Variants in GABBR2 observed in about 807,000 individuals in gnomAD.
GABBR2 encodes the protein gamma-aminobutyric acid type B receptor subunit 2.
GABBR2 carries 23 observed loss-of-function variants against 105.6 expected under a neutral mutation model. The ratio of observed to expected loss-of-function variants is 0.22; its 90% CI spans 0.16 to 0.31. The LOEUF is 0.31. Among genes scored for constraint, GABBR2 ranks in the 10% least tolerant of loss-of-function variants. The probability of loss-of-function intolerance (pLI) is 1.00; values close to 1 mark genes in which losing one functional copy is unlikely to be tolerated. For missense variants in GABBR2, 734 were observed against 1,245.5 expected, an observed-to-expected ratio of 0.59 and a Z score of 6.18; for synonymous variants, 478 against 499.7, an observed-to-expected ratio of 0.96 and a Z score of 0.58.
chr9:98,387,616 C>T (rs962627884), intron 10 of GABBR2, among the ~76,000 whole-genome samples: 10 of 151,854 alleles, frequency 6.6e-5, no homozygotes, highest in African/African-American at 1.5e-4. Flanking sequence ...CAACTGCTAT[C>T]AAAAAAAGCC....
At chr9:98,413,664 G>T (rs1187950886) in intron 7 of GABBR2, among the ~76,000 whole-genome samples, 3 of 152,212 alleles carry the variant, frequency 2.0e-5, no homozygotes, top group Non-Finnish European at 4.4e-5. Flanking sequence ...CCTTCGGCGG[G>T]TGGACAATAA....
chr9:98,412,596 T>C (rs1832610047), intron 7 of GABBR2, among the ~76,000 whole-genome samples: 1 of 152,202 alleles, frequency 6.6e-6, no homozygotes, highest in Non-Finnish European at 1.5e-5. Context: ...GACCTTCTCC[T>C]GGCCTCCTGT....
intron 11 of GABBR2, among the ~76,000 whole-genome samples, chr9:98,384,960 A>G (rs945094301): frequency 2.0e-5 from 3 of 152,220 alleles, no homozygotes; most frequent in Non-Finnish European, 4.4e-5. Flanking sequence ...AGAAAACACC[A>G]CTTAAATAGA....
rs1830264525 is a variant in GABBR2, at chr9:98,289,934, C to T, written c.*650G>A. 6.6e-6 allele frequency: 1 copy of T among 152,454 alleles called. No homozygotes were observed. The highest frequency in any genetic ancestry group is 1.5e-5 in the Non-Finnish European group (1 of 68,096). The allele number at this position is 152,454 out of a possible 1,614,324, so 9.4% of individuals were successfully genotyped here. On this transcript the variant is annotated 3_prime_UTR_variant, in exon 19 of 19. Coordinates refer to ENST00000259455, the MANE Select transcript of GABBR2 (RefSeq NM_005458.8). ...GCATTTACCAGAGTAACAAACATCT[C>T]ATTGGGTGACACAGGTCCCATGTGG...
chr9:98,340,055 C>T (rs1238668736), intron 13 of GABBR2, among the ~76,000 whole-genome samples: 1 of 152,158 alleles, frequency 6.6e-6, no homozygotes, highest in Non-Finnish European at 1.5e-5. Context: ...CTTTGCCGCA[C>T]ACTCTTTCCC....
intron 13 of GABBR2, among the ~76,000 whole-genome samples, chr9:98,357,191 T>C (rs1831499364): frequency 6.6e-6 from 1 of 152,210 alleles, no homozygotes. Flanking sequence ...GGTTCATCAT[T>C]TGAAAAAATG....
At chr9:98,291,725 C>A (rs540486167) in intron 18 of GABBR2, among the ~76,000 whole-genome samples, 2 of 152,316 alleles carry the variant, frequency 1.3e-5, no homozygotes, top group East Asian at 1.9e-4. Context: ...CCCTGGAAAC[C>A]CTGCTCCTGG....
At chr9:98,339,706 T>C (rs1831176544) in intron 13 of GABBR2, among the ~76,000 whole-genome samples, 2 of 152,222 alleles carry the variant, frequency 1.3e-5, no homozygotes, top group South Asian at 4.1e-4. Context: ...ACTAATATTA[T>C]TTATTGAGTA....
intron 7 of GABBR2, among the ~76,000 whole-genome samples, chr9:98,439,450 T>C (rs1353460900): frequency 6.6e-6 from 1 of 152,178 alleles, no homozygotes; most frequent in Non-Finnish European, 1.5e-5. Flanking sequence ...GAAAATGTAA[T>C]ATTAAAGGCA....
intron 1 of GABBR2, among the ~76,000 whole-genome samples, chr9:98,606,264 T>C (rs868728770): frequency 3.9e-5 from 6 of 152,182 alleles, no homozygotes; most frequent in Non-Finnish European, 7.3e-5. Flanking sequence ...AGCAGCATGA[T>C]TTATAATCCT....
At chr9:98,318,852 C>T (rs921915683) in intron 13 of GABBR2, among the ~76,000 whole-genome samples, 4 of 151,274 alleles carry the variant, frequency 2.6e-5, no homozygotes, top group Non-Finnish European at 5.9e-5. Flanking sequence ...GTAGGTTTTT[C>T]TGCTGGGGGT....
At position 98,481,901 on chromosome 9, in the gene GABBR2, T is replaced by A. The variant is rs530475164; in HGVS notation, c.733-904A>T. ...ATTCATTCATTCAACAGACAATTAC[T>A]GAGCATCAGCCAGAGGCTCTCATGG... On this transcript the variant is annotated intron_variant, in intron 4 of 18. Transcript: ENST00000259455. 1.6e-4 allele frequency among the ~76,000 whole-genome samples: 24 copies of A among 152,358 alleles called. No individual in the cohort carries two copies. The South Asian group carries it at 4.6e-3, about 29-fold the overall frequency.
At chr9:98,456,667 G>A (rs1399362295) in intron 6 of GABBR2, among the ~76,000 whole-genome samples, 5 of 152,122 alleles carry the variant, frequency 3.3e-5, no homozygotes, top group African/African-American at 7.2e-5. Context: ...GAGCAAAATC[G>A]TTCTTCCCAA....
intron 1 of GABBR2, among the ~76,000 whole-genome samples, chr9:98,635,280 T>TG (rs1451509352): frequency 6.6e-6 from 1 of 152,126 alleles, no homozygotes; most frequent in African/African-American, 2.4e-5. Flanking sequence ...CCACTGAGGT[T>TG]GGGTGGGCAC....
Position 98,707,880 on chromosome 9 carries a change from G to A in GABBR2, c.321+537C>T, listed in dbSNP as rs887188282. On this transcript the variant is annotated intron_variant, in intron 1 of 18. Coordinates refer to ENST00000259455, the MANE Select transcript of GABBR2 (RefSeq NM_005458.8). ...GGAGCGGGCTCAGAGCTGCTGGCGC[G>A]CACCAGGCGCCCAGCCACGCTGCAC... is the stretch of plus-strand genomic sequence containing the variant. Among the ~76,000 whole-genome samples, 13 of 152,330 alleles carry A rather than the reference G, an allele frequency of 8.5e-5. No individual in the cohort carries two copies. In the South Asian group the frequency reaches 2.7e-3, roughly 32 times the overall value.
chr9:98,628,486 A>G (rs190973316), intron 1 of GABBR2, among the ~76,000 whole-genome samples: 1 of 152,300 alleles, frequency 6.6e-6, no homozygotes, highest in African/African-American at 2.4e-5. Context: ...TTTGGCTGCA[A>G]AACACTTGAG....
At chr9:98,463,385 A>G (rs78690589) in intron 6 of GABBR2, among the ~76,000 whole-genome samples, 1,595 of 152,334 alleles carry the variant, frequency 0.01, 39 homozygotes, top group African/African-American at 0.036. Flanking sequence ...GTATGTGTGT[A>G]TAAACTGGCA....
At chr9:98,616,506 C>A (rs1481647180) in intron 1 of GABBR2, among the ~76,000 whole-genome samples, 1 of 152,184 alleles carries the variant, frequency 6.6e-6, no homozygotes, top group African/African-American at 2.4e-5. Flanking sequence ...GTAATCCCAA[C>A]ACTTTGGGAG....
chr9:98,382,741 C>T (rs138116580), intron 11 of GABBR2, among the ~76,000 whole-genome samples: 16 of 152,292 alleles, frequency 1.1e-4, no homozygotes, highest in South Asian at 2.1e-4. Flanking sequence ...TCAGGAGCAA[C>T]CTTTTATTCA....
Sources: allele counts gnomAD v4.1 joint callset (sites outside exome capture counted in the v4.1 genomes callset), GRCh38; gene constraint gnomAD v4.1.1; transcripts MANE v1.5; gene names NCBI Gene and HGNC (gene_info 2026-07-23, HGNC 2026-07-21).